The following KIF3A variants were observed in gnomAD, a reference collection of about 807,000 sequenced individuals.
The protein encoded by KIF3A is kinesin-like protein KIF3A.
KIF3A carries 27 observed loss-of-function variants against 92.6 expected under a neutral mutation model. That is an observed-to-expected ratio of 0.29 (90% confidence interval 0.21 to 0.40). The LOEUF (loss-of-function observed/expected upper bound fraction) is 0.40. Ranked by LOEUF, KIF3A falls within the 10% of genes least tolerant of loss-of-function variation. KIF3A has a pLI of 1.00. For synonymous variants in KIF3A, 250 were observed against 275.4 expected (o/e 0.91, Z 0.92); for missense variants, 581 against 872.6 (o/e 0.67, Z 4.21).
intron 2 of KIF3A, among the ~76,000 whole-genome samples, chr5:132,732,310 T>C (rs1414422788): frequency 6.6e-6 from 1 of 152,150 alleles, no homozygotes; most frequent in African/African-American, 2.4e-5. Context: ...ATTCCACTCT[T>C]AGGTATATAC....
At chr5:132,731,201 C>A (rs1276318728) in intron 2 of KIF3A, among the ~76,000 whole-genome samples, 1 of 152,004 alleles carries the variant, frequency 6.6e-6, no homozygotes, top group African/African-American at 2.4e-5. Flanking sequence ...ATCACAATAC[C>A]CAAACCAGAA....
chr5:132,718,693 C>G (rs1238479283), intron 5 of KIF3A, among the ~76,000 whole-genome samples: 2 of 152,120 alleles, frequency 1.3e-5, no homozygotes, highest in African/African-American at 4.8e-5. Flanking sequence ...GTGGTGCTAT[C>G]TTGGCTCACT....
At chr5:132,720,987 C>T (rs998815506) in intron 4 of KIF3A, among the ~76,000 whole-genome samples, 6 of 152,024 alleles carry the variant, frequency 3.9e-5, no homozygotes, top group African/African-American at 1.2e-4. Context: ...TAAAATTCCC[C>T]AAGATGATGT....
At chr5:132,713,246 T>C (rs182931095) in intron 8 of KIF3A, among the ~76,000 whole-genome samples, 2 of 152,284 alleles carry the variant, frequency 1.3e-5, no homozygotes, top group East Asian at 3.9e-4. Flanking sequence ...GATTGTATCC[T>C]GGACCAGGAA....
In KIF3A at chr5:132,695,671, TA is replaced by T. The variant is rs5871461; in HGVS notation, c.*962del. On this transcript the variant is annotated 3_prime_UTR_variant, in exon 19 of 19. Transcript: ENST00000403231. ...TTATTTTTAAAATAGAAAAACAAAA[TA>T]AAAAAGTGTTTTAAAGGCAAAGTAT... is the stretch of plus-strand genomic sequence containing the variant. 0.91 allele frequency: 138,619 copies of T among 152,178 alleles called. 63,319 individuals are homozygous for T. Among genetic ancestry groups the T allele is most frequent in the African/African-American group, 0.98 (40,672 of 41,544 alleles). The allele number at this position is 152,178 out of a possible 1,614,324, so 9.4% of individuals were successfully genotyped here.
chr5:132,726,965 G>C (rs1268770644), intron 2 of KIF3A, among the ~76,000 whole-genome samples: 8 of 152,108 alleles, frequency 5.3e-5, no homozygotes, highest in Non-Finnish European at 1.2e-4. Flanking sequence ...GTAAAATGGG[G>C]ATAAGAAAAT....
At chr5:132,729,377 A>C (rs1431379524) in intron 2 of KIF3A, among the ~76,000 whole-genome samples, 1 of 152,180 alleles carries the variant, frequency 6.6e-6, no homozygotes, top group Non-Finnish European at 1.5e-5. Context: ...ACTTGAGTCC[A>C]GGAGGCTGAG....
In KIF3A at chr5:132,716,416, T is replaced by C. The variant is rs751064343; in HGVS notation, c.783A>G (p.Gly261=). ...CTTCCTTTAGGCGCTGTCCAGTAGC[T>C]CCAGTTTTTGCCTGTCTTTCTGAAC... ...LAGSERQAKT[G]ATGQRLKEAT... is the part of the protein sequence containing the mutation. The change falls in exon 7 of 19, where the codon GGA becomes GGG. Residue 261 remains glycine (G), a synonymous_variant. Transcript: ENST00000403231. 5 of 1,613,924 alleles carry C rather than the reference T, an allele frequency of 3.1e-6. No individual in the cohort carries two copies. The Admixed American group carries it at 8.3e-5, about 27-fold the overall frequency.
chr5:132,709,772 G>A (rs963866535), intron 9 of KIF3A, among the ~76,000 whole-genome samples: 4 of 152,192 alleles, frequency 2.6e-5, no homozygotes, highest in African/African-American at 9.6e-5. Context: ...CAGCCATAGA[G>A]CATATGTAAA....
chr5:132,735,294 C>T (rs780786027), intron 1 of KIF3A, among the ~76,000 whole-genome samples: 13 of 152,070 alleles, frequency 8.5e-5, no homozygotes, highest in Admixed American at 1.3e-4. Flanking sequence ...AGGCTGGTCT[C>T]GAACTCCTGA....
chr5:132,721,437 G>C (rs1753819162), intron 4 of KIF3A: 1 of 152,128 alleles, frequency 6.6e-6, no homozygotes, highest in Non-Finnish European at 1.5e-5. Flanking sequence ...CAAACCAAAA[G>C]AATAAAAAGT....
intron 8 of KIF3A, among the ~76,000 whole-genome samples, chr5:132,714,889 A>C (rs1479857039): frequency 6.6e-6 from 1 of 152,270 alleles, no homozygotes; most frequent in African/African-American, 2.4e-5. Context: ...TCTTTAAAAC[A>C]TACTGGCTAT....
At chr5:132,704,209 T>C (rs181010676) in intron 11 of KIF3A, among the ~76,000 whole-genome samples, 3 of 152,018 alleles carry the variant, frequency 2.0e-5, no homozygotes, top group Non-Finnish European at 1.5e-5. Context: ...AGCATACTTT[T>C]AAAGGAAAAA....
Position 132,737,427 on chromosome 5 carries a change from C to T in KIF3A, c.-8G>A. ...GACTCTCCTCACCGGCATCTTGGCC[C>T]CCTCCCGTGCCCGGCGGACGTCCCC... On this transcript the variant is annotated 5_prime_UTR_variant, in exon 1 of 19. Transcript: ENST00000403231. 4 of 1,606,134 alleles carry T rather than the reference C, an allele frequency of 2.5e-6. No individual in the cohort carries two copies. The highest frequency in any genetic ancestry group is 3.4e-6 in the Non-Finnish European group (4 of 1,176,664).
At chr5:132,717,444 T>G (rs1753664508) in intron 5 of KIF3A, among the ~76,000 whole-genome samples, 1 of 152,064 alleles carries the variant, frequency 6.6e-6, no homozygotes, top group Non-Finnish European at 1.5e-5. Flanking sequence ...GAGCTGAGAT[T>G]GCGCCACTGC....
chr5:132,714,474 T>C (rs1010788335), intron 8 of KIF3A, among the ~76,000 whole-genome samples: 1 of 152,196 alleles, frequency 6.6e-6, no homozygotes, highest in African/African-American at 2.4e-5. Flanking sequence ...AGGCACTTGC[T>C]ACAATATGGA....
rs1214321180 is a variant in KIF3A at position 132,720,671 on chromosome 5, G to T, written c.554C>A (p.Ser185Ter). 1.2e-6 allele frequency: 2 copies of T among 1,611,848 alleles called. No homozygotes were observed. The highest frequency in any genetic ancestry group is 8.5e-7 in the Non-Finnish European group (1 of 1,178,702). The change falls in exon 5 of 19, where the codon TCA (serine) becomes TAA (stop). Residue 185 changes from serine (S) to a stop codon, truncating the protein, a stop_gained. Coordinates refer to ENST00000403231, the MANE Select transcript of KIF3A (RefSeq NM_001300791.2). LOFTEE classifies it high-confidence loss of function. ...ATCAGCATTATTTACCACATAAGCT[G>T]ATAAATCTTTGATATAAACTCCCAC... ...PDVGVYIKDLSAYVVNNADDM... is the reference protein window; with the variant it reads ...PDVGVYIKDL
chr5:132,734,125 C>T, intron 2 of KIF3A, 80 bp downstream of exon 2: 1 of 1,126,084 alleles, frequency 8.9e-7, no homozygotes, highest in Non-Finnish European at 1.3e-6. Context: ...CATCAAACTG[C>T]ACAGCTGCAA....
In KIF3A at chr5:132,695,350, G is replaced by C. The variant is rs933424397; in HGVS notation, c.*1284C>G. On this transcript the variant is annotated 3_prime_UTR_variant, in exon 19 of 19. Coordinates refer to ENST00000403231, the MANE Select transcript of KIF3A (RefSeq NM_001300791.2). ...CCACACCCAGCTAATTATTGTATTT[G>C]TACTGGAGACAGGGTTTCACCATGT... The C allele has an allele frequency of 6.6e-6, 1 of 151,920 alleles. No individual in the cohort carries two copies. Among genetic ancestry groups the C allele is most frequent in the Non-Finnish European group, 1.5e-5 (1 of 67,978 alleles). The allele number at this position is 151,920 out of a possible 1,614,324, so 9.4% of individuals were successfully genotyped here. A position where few individuals can be genotyped will look rare whatever the true frequency, so the allele number is the denominator to read the frequency against.
Sources: allele counts gnomAD v4.1 joint callset (sites outside exome capture counted in the v4.1 genomes callset), GRCh38; gene constraint gnomAD v4.1.1; transcripts MANE v1.5; gene names NCBI Gene and HGNC (gene_info 2026-07-23, HGNC 2026-07-21).